Variants in NAALADL2 observed in about 807,000 individuals in gnomAD.
NAALADL2 encodes N-acetylated alpha-linked acidic dipeptidase like 2, also known as inactive N-acetylated-alpha-linked acidic dipeptidase-like protein 2.
In NAALADL2, 76 loss-of-function variants were observed where a neutral mutation model predicts 87.2. That is an observed-to-expected ratio of 0.87 (90% CI 0.72 to 1.05). The LOEUF (loss-of-function observed/expected upper bound fraction) is 1.05, where lower values mean the gene tolerates loss of function less well. Among genes scored for constraint, NAALADL2 ranks in the 50% least tolerant of loss-of-function variants. The probability of loss-of-function intolerance (pLI) is 0.00; values close to 1 mark genes in which losing one functional copy is unlikely to be tolerated. For missense variants in NAALADL2, 1,089 were observed against 945.8 expected (o/e 1.15, Z -1.99); for synonymous variants, 354 against 331.0 (o/e 1.07, Z -0.75).
chr3:174,670,919 C>T (rs1726468988), intron 2 of NAALADL2, among the ~76,000 whole-genome samples: 1 of 151,968 alleles, frequency 6.6e-6, no homozygotes, highest in African/African-American at 2.4e-5. Context: ...ACACTATCCA[C>T]CTTTGTACTG....
chr3:174,642,773 TATATATATATATATATG>T, intron 2 of NAALADL2, among the ~76,000 whole-genome samples: 1 of 38,822 alleles, frequency 2.6e-5, no homozygotes, highest in East Asian at 1.5e-3. Flanking sequence ...TATATATATA[TATATATATATATATATG>T]TTTTTTTTCA....
chr3:174,994,516 A>G (rs1326128740), intron 1 of NAALADL2, among the ~76,000 whole-genome samples: 1 of 152,210 alleles, frequency 6.6e-6, no homozygotes, highest in African/African-American at 2.4e-5. Flanking sequence ...GTACACATTG[A>G]TCACATTTTT....
intron 1 of NAALADL2, among the ~76,000 whole-genome samples, chr3:174,901,625 C>T (rs998489244): frequency 2.0e-5 from 3 of 151,842 alleles, no homozygotes; most frequent in Non-Finnish European, 4.4e-5. Flanking sequence ...TTCAGTAAAC[C>T]TTGAATAGTC....
chr3:175,042,921 C>T (rs994376929), intron 1 of NAALADL2, among the ~76,000 whole-genome samples: 1 of 151,966 alleles, frequency 6.6e-6, no homozygotes, highest in Non-Finnish European at 1.5e-5. Context: ...TTAGTTCAGA[C>T]CCATGAGAGT....
intron 11 of NAALADL2, among the ~76,000 whole-genome samples, chr3:175,683,814 A>G (rs190211652): frequency 4.8e-4 from 73 of 152,162 alleles, no homozygotes; most frequent in Non-Finnish European, 9.0e-4. Flanking sequence ...GATTTTCCAA[A>G]ATTTAATGGA....
intron 11 of NAALADL2, among the ~76,000 whole-genome samples, chr3:175,645,600 G>C (rs1303834733): frequency 6.6e-6 from 1 of 152,012 alleles, no homozygotes. Flanking sequence ...GAGTCAAGCA[G>C]AGAAATCTGT....
At chr3:175,572,961 G>A (rs1423315871) in intron 9 of NAALADL2, among the ~76,000 whole-genome samples, 2 of 151,862 alleles carry the variant, frequency 1.3e-5, no homozygotes, top group Non-Finnish European at 2.9e-5. Context: ...TGTTAGAAAG[G>A]TGCATATGTA....
At chr3:175,434,857 C>A (rs1231208271) in intron 5 of NAALADL2, among the ~76,000 whole-genome samples, 2 of 151,958 alleles carry the variant, frequency 1.3e-5, no homozygotes, top group Admixed American at 1.3e-4. Context: ...TGAATCTAGA[C>A]TACTCTCCTC....
intron 2 of NAALADL2, among the ~76,000 whole-genome samples, chr3:174,562,695 G>C (rs1475047554): frequency 6.6e-6 from 1 of 151,838 alleles, no homozygotes; most frequent in Non-Finnish European, 1.5e-5. Context: ...CTGGAACTAC[G>C]CAAGGAGAAG....
intron 2 of NAALADL2, among the ~76,000 whole-genome samples, chr3:175,191,521 G>T (rs1738202664): frequency 6.6e-6 from 1 of 152,078 alleles, no homozygotes; most frequent in Non-Finnish European, 1.5e-5. Context: ...TCAGGGATTT[G>T]TCTCCATGTG....
chr3:174,697,842 A>C lies in NAALADL2; in HGVS notation c.-114-39799A>C, dbSNP rs561365817. ...CGCGGTGGCTCATGCCTGTAATCCC[A>C]GCACTTTGGGAGGCCGAGGTGGGTG... is the stretch of plus-strand genomic sequence containing the variant. On this transcript the variant is annotated intron_variant, in intron 2 of 3. Coordinates refer to the NAALADL2 transcript ENST00000434257. Among the ~76,000 whole-genome samples, 333 of 152,312 alleles carry C rather than the reference A, an allele frequency of 2.2e-3. 4 individuals are homozygous for C. The highest frequency in any genetic ancestry group is 7.7e-3 in the African/African-American group (318 of 41,562).
intron 3 of NAALADL2, among the ~76,000 whole-genome samples, chr3:174,754,634 C>T (rs1711771654): frequency 6.6e-6 from 1 of 152,028 alleles, no homozygotes; most frequent in South Asian, 2.1e-4. Flanking sequence ...CCACTGGATC[C>T]AGACTATGAG....
At chr3:175,632,652 C>A (rs1219043111) in intron 11 of NAALADL2, among the ~76,000 whole-genome samples, 1 of 151,940 alleles carries the variant, frequency 6.6e-6, no homozygotes, top group Non-Finnish European at 1.5e-5. Context: ...TTTAATAGTT[C>A]TATCTTAAGA....
At chr3:174,982,805 T>A (rs1158676147) in intron 1 of NAALADL2, among the ~76,000 whole-genome samples, 4 of 152,066 alleles carry the variant, frequency 2.6e-5, no homozygotes, top group Non-Finnish European at 5.9e-5. Flanking sequence ...GGTTAAAATT[T>A]TTTTTTTTTT....
At chr3:175,484,288 CA>C (rs1187699146) in intron 9 of NAALADL2, among the ~76,000 whole-genome samples, 2 of 151,992 alleles carry the variant, frequency 1.3e-5, no homozygotes, top group Non-Finnish European at 2.9e-5. Flanking sequence ...TCAGTATTTT[CA>C]AATCACTGAA....
At chr3:175,059,954 C>A in intron 1 of NAALADL2, 1 of 432,120 alleles carries the variant, frequency 2.3e-6, no homozygotes, top group South Asian at 1.9e-5. Flanking sequence ...ACATAACCTT[C>A]GATGTAGCTC....
chr3:175,747,999 A>C (rs1470948549), intron 12 of NAALADL2, among the ~76,000 whole-genome samples: 1 of 151,844 alleles, frequency 6.6e-6, no homozygotes, highest in Non-Finnish European at 1.5e-5. Flanking sequence ...AGAATTTAGA[A>C]ATCTGTTGCT....
intron 2 of NAALADL2, among the ~76,000 whole-genome samples, chr3:174,635,758 C>G (rs866893982): frequency 2.0e-5 from 3 of 152,124 alleles, no homozygotes; most frequent in African/African-American, 7.2e-5. Context: ...CTGTTTGGGC[C>G]TCCCAAAGTG....
intron 2 of NAALADL2, among the ~76,000 whole-genome samples, chr3:174,565,013 T>C (rs1460848301): frequency 6.6e-6 from 1 of 152,022 alleles, no homozygotes; most frequent in African/African-American, 2.4e-5. Context: ...AAATTCCAAT[T>C]TCTTCTGAAT....
Sources: allele counts gnomAD v4.1 joint callset (sites outside exome capture counted in the v4.1 genomes callset), GRCh38; gene constraint gnomAD v4.1.1; transcripts MANE v1.5; gene names NCBI Gene and HGNC (gene_info 2026-07-23, HGNC 2026-07-21).